Variants in RSRC1 observed in about 807,000 individuals in gnomAD.
RSRC1 encodes the protein arginine and serine rich coiled-coil 1.
RSRC1 carries 39 observed loss-of-function variants against 49.1 expected under a neutral mutation model. The observed-to-expected ratio is 0.79, with a 90% CI of 0.61 to 1.04. RSRC1 has a LOEUF of 1.04. Ranked by LOEUF, RSRC1 falls within the 50% of genes least tolerant of loss-of-function variation. The pLI is 0.00. For missense variants in RSRC1, 388 were observed against 402.4 expected (o/e 0.96, Z 0.31); for synonymous variants, 143 against 130.8 (o/e 1.09, Z -0.63).
At chr3:158,507,157 A>G (rs745744391) in intron 7 of RSRC1, among the ~76,000 whole-genome samples, 9 of 152,104 alleles carry the variant, frequency 5.9e-5, no homozygotes, top group Non-Finnish European at 1.3e-4. Flanking sequence ...GACAAATATC[A>G]TATGTTGTCA....
At chr3:158,247,768 A>G (rs529952777) in intron 4 of RSRC1, among the ~76,000 whole-genome samples, 1 of 152,198 alleles carries the variant, frequency 6.6e-6, no homozygotes, top group South Asian at 2.1e-4. Context: ...CCCTTCCTCT[A>G]GACCCTCCAT....
chr3:158,246,653 C>A (rs908979745), intron 4 of RSRC1, among the ~76,000 whole-genome samples: 1 of 152,022 alleles, frequency 6.6e-6, no homozygotes, highest in Non-Finnish European at 1.5e-5. Flanking sequence ...TTAGTTTGGT[C>A]GGATATGAAA....
chr3:158,136,049 T>C (rs1181370661), intron 3 of RSRC1, among the ~76,000 whole-genome samples: 1 of 152,210 alleles, frequency 6.6e-6, no homozygotes, highest in East Asian at 1.9e-4. Flanking sequence ...TAGATTGAGC[T>C]GTAAGCTTGA....
chr3:158,502,195 A>G (rs948624379), intron 7 of RSRC1, among the ~76,000 whole-genome samples: 2 of 152,142 alleles, frequency 1.3e-5, no homozygotes, highest in Non-Finnish European at 2.9e-5. Flanking sequence ...TACGGCCCCA[A>G]TCTCTGCTAG....
chr3:158,543,432 C>G lies in RSRC1; in HGVS notation c.857C>G (p.Thr286Ser). 6.2e-7 allele frequency: 1 copy of G among 1,611,944 alleles called. No homozygotes were observed. The highest frequency in any genetic ancestry group is 8.5e-7 in the Non-Finnish European group (1 of 1,178,990). The change falls in exon 9 of 10, where the codon ACC (threonine) becomes AGC (serine). Residue 286 changes from threonine (T) to serine (S), a missense_variant. Thr to Ser is a moderately conservative substitution (Grantham distance 58, BLOSUM62 1). Coordinates refer to ENST00000611884, the MANE Select transcript of RSRC1 (RefSeq NM_001271838.2). ...PPSTEKEIDP[T>S]SIPTAIKYQD... ...AGTACTGAAAAAGAAATAGATCCTA[C>G]CAGCATCCCTACTGCTATCAAGTAC... is the stretch of plus-strand genomic sequence containing the variant.
At chr3:158,277,556 G>A (rs945115757) in intron 4 of RSRC1, among the ~76,000 whole-genome samples, 1 of 152,098 alleles carries the variant, frequency 6.6e-6, no homozygotes, top group Non-Finnish European at 1.5e-5. Context: ...GAAAAATACT[G>A]CTGGAAGTGT....
chr3:158,503,487 G>A (rs1285406816), intron 7 of RSRC1, among the ~76,000 whole-genome samples: 1 of 152,108 alleles, frequency 6.6e-6, no homozygotes, highest in Non-Finnish European at 1.5e-5. Flanking sequence ...TACCAAAGTG[G>A]GTAGGGAAGG....
intron 7 of RSRC1, among the ~76,000 whole-genome samples, chr3:158,498,461 G>A (rs1325459113): frequency 6.6e-6 from 1 of 151,958 alleles, no homozygotes; most frequent in African/African-American, 2.4e-5. Flanking sequence ...TGTAGATTCT[G>A]GATATTAGTC....
rs369841169 is a variant in RSRC1 at position 158,113,659 on chromosome 3, G to T, written c.-3+3436G>T. Among the ~76,000 whole-genome samples, 3 of 152,046 alleles carry T rather than the reference G, an allele frequency of 2.0e-5. No homozygotes were observed. The East Asian group carries it at 5.8e-4, about 29-fold the overall frequency. Reference sequence around the variant, plus strand: ...TAGGATTACAGGTGTGAGCCACTGTGCCAGGCCATTTCTTGACTTCTTAAT... The same window carrying T: ...TAGGATTACAGGTGTGAGCCACTGTTCCAGGCCATTTCTTGACTTCTTAAT... On this transcript the variant is annotated intron_variant, in intron 1 of 9. Transcript: ENST00000611884.
At chr3:158,218,852 G>A (rs1722089563) in intron 4 of RSRC1, among the ~76,000 whole-genome samples, 1 of 151,630 alleles carries the variant, frequency 6.6e-6, no homozygotes, top group African/African-American at 2.4e-5. Context: ...TACTTTGGAT[G>A]CTGTTAAAAT....
chr3:158,532,334 T>C (rs1442962793), intron 7 of RSRC1, among the ~76,000 whole-genome samples: 2 of 151,834 alleles, frequency 1.3e-5, no homozygotes, highest in Non-Finnish European at 2.9e-5. Flanking sequence ...GGCATTGTTA[T>C]TAGAGGAGAT....
chr3:158,118,462 T>TGTGTGTGTGTGTGTCC (rs1491469875), intron 1 of RSRC1, among the ~76,000 whole-genome samples: 1 of 124,682 alleles, frequency 8.0e-6, no homozygotes, highest in African/African-American at 3.3e-5. Flanking sequence ...TGTGTGTGTG[T>TGTGTGTGTGTGTGTCC]GCGCGTGCGC....
At chr3:158,402,163 A>G (rs946087022) in intron 6 of RSRC1, among the ~76,000 whole-genome samples, 2 of 151,942 alleles carry the variant, frequency 1.3e-5, no homozygotes, top group Non-Finnish European at 1.5e-5. Context: ...TAATTATTTC[A>G]GTGCTTCCAT....
chr3:158,293,634 T>C (rs1349779474), intron 4 of RSRC1, among the ~76,000 whole-genome samples: 1 of 152,092 alleles, frequency 6.6e-6, no homozygotes, highest in Non-Finnish European at 1.5e-5. Flanking sequence ...TTGCCTTACC[T>C]TGTTGATTCT....
intron 5 of RSRC1, among the ~76,000 whole-genome samples, chr3:158,311,876 AT>A (rs1559987735): frequency 6.6e-6 from 1 of 152,152 alleles, no homozygotes; most frequent in Non-Finnish European, 1.5e-5. Context: ...ACCAAAAAAA[AT>A]AAAAATATGA....
At chr3:158,262,271 G>C (rs1220265260) in intron 4 of RSRC1, among the ~76,000 whole-genome samples, 1 of 151,982 alleles carries the variant, frequency 6.6e-6, no homozygotes, top group Non-Finnish European at 1.5e-5. Flanking sequence ...TTGACATTTA[G>C]GTCTATGGTT....
chr3:158,501,535 A>G (rs757938873), intron 7 of RSRC1, among the ~76,000 whole-genome samples: 3 of 151,906 alleles, frequency 2.0e-5, no homozygotes, highest in Non-Finnish European at 4.4e-5. Context: ...TAAATTTGGG[A>G]GCTCCAGTTT....
chr3:158,288,911 G>C (rs1029214878), intron 4 of RSRC1, among the ~76,000 whole-genome samples: 1 of 140,212 alleles, frequency 7.1e-6, no homozygotes, highest in Non-Finnish European at 1.5e-5. Context: ...GGGGAGGACT[G>C]ACTGTACTAG....
At chr3:158,530,662 T>C (rs1473769570) in intron 7 of RSRC1, among the ~76,000 whole-genome samples, 1 of 151,698 alleles carries the variant, frequency 6.6e-6, no homozygotes, top group East Asian at 2.0e-4. Context: ...CTATGATGTT[T>C]AGGCTATTAC....
Sources: allele counts gnomAD v4.1 joint callset (sites outside exome capture counted in the v4.1 genomes callset), GRCh38; gene constraint gnomAD v4.1.1; transcripts MANE v1.5; gene names NCBI Gene and HGNC (gene_info 2026-07-23, HGNC 2026-07-21).